The following MTFR1 variants were observed in gnomAD, a reference collection of about 807,000 sequenced individuals.
MTFR1 encodes chondrocyte protein with a poly-proline region.
In MTFR1, 28 loss-of-function variants were observed where a neutral mutation model predicts 38.8. The observed-to-expected ratio is 0.72, with a 90% CI of 0.53 to 0.99. The LOEUF is 0.99. Among genes scored for constraint, MTFR1 ranks in the 50% least tolerant of loss-of-function variants. The pLI is 0.00. For synonymous variants in MTFR1, 145 were observed against 137.0 expected (o/e 1.06, Z -0.41); for missense variants, 358 against 395.5 (o/e 0.91, Z 0.81).
chr8:65,671,988 A>G (rs1484569695), intron 2 of MTFR1, among the ~76,000 whole-genome samples: 1 of 152,206 alleles, frequency 6.6e-6, no homozygotes, highest in Non-Finnish European at 1.5e-5. Context: ...GAGTAGTGCT[A>G]ATTGAGGCCA....
downstream of MTFR1, among the ~76,000 whole-genome samples, chr8:65,775,908 G>T (rs562875095): frequency 2.0e-5 from 3 of 152,146 alleles, no homozygotes; most frequent in Non-Finnish European, 2.9e-5. Flanking sequence ...GATTACGGGC[G>T]TGAGCCACCA....
intron 4 of MTFR1, among the ~76,000 whole-genome samples, chr8:65,702,297 CTTTTTTT>C (rs530863447): frequency 9.1e-6 from 1 of 110,272 alleles, no homozygotes; most frequent in Non-Finnish European, 1.9e-5. Flanking sequence ...TTCTTTCTTT[CTTTTTTT>C]TTTTTTTTTT....
intron 3 of MTFR1, among the ~76,000 whole-genome samples, chr8:65,741,621 A>C (rs1807440835): frequency 6.6e-6 from 1 of 152,236 alleles, no homozygotes; most frequent in African/African-American, 2.4e-5. Context: ...AAATGTTAAA[A>C]TGTGTTCAGG....
chr8:65,681,164 G>A (rs1315712675), intron 2 of MTFR1, among the ~76,000 whole-genome samples: 1 of 151,504 alleles, frequency 6.6e-6, no homozygotes, highest in Non-Finnish European at 1.5e-5. Context: ...CACCCGCCTC[G>A]GCCTCCCAAA....
downstream of MTFR1, among the ~76,000 whole-genome samples, chr8:65,775,996 T>G (rs897754681): frequency 6.6e-6 from 1 of 152,194 alleles, no homozygotes; most frequent in Non-Finnish European, 1.5e-5. Flanking sequence ...AATTCCCATC[T>G]TTCTGTTCTC....
At chr8:65,721,903 G>A (rs886786174) in intron 3 of MTFR1, 3 of 150,108 alleles carry the variant, frequency 2.0e-5, no homozygotes, top group African/African-American at 7.4e-5. Context: ...CTGCCTCCCA[G>A]GTTCAAGCGA....
chr8:65,768,799 T>C (rs1808927143), intron 3 of MTFR1, among the ~76,000 whole-genome samples: 1 of 152,188 alleles, frequency 6.6e-6, no homozygotes, highest in Non-Finnish European at 1.5e-5. Flanking sequence ...TATGTAAATA[T>C]GTATGATAAA....
chr8:65,773,430 A>G (rs1809168369), downstream of MTFR1, among the ~76,000 whole-genome samples: 1 of 152,180 alleles, frequency 6.6e-6, no homozygotes, highest in Admixed American at 6.5e-5. Flanking sequence ...TGAGATCGAG[A>G]GGATAATCTG....
chr8:65,713,176 C>T (rs970639928), downstream of MTFR1, among the ~76,000 whole-genome samples: 2 of 152,212 alleles, frequency 1.3e-5, no homozygotes, highest in Admixed American at 6.5e-5. Context: ...TGCCGTGGCT[C>T]ACGCCTATAA....
intron 3 of MTFR1, among the ~76,000 whole-genome samples, chr8:65,721,207 C>G (rs1806364060): frequency 1.3e-5 from 2 of 152,236 alleles, no homozygotes; most frequent in Non-Finnish European, 2.9e-5. Flanking sequence ...CCACAAGCCT[C>G]TACTTTATCT....
intron 2 of MTFR1, among the ~76,000 whole-genome samples, chr8:65,681,562 G>A (rs1804888928): frequency 6.6e-6 from 1 of 152,036 alleles, no homozygotes; most frequent in African/African-American, 2.4e-5. Context: ...ACTCAAAACA[G>A]ATGAATAGTT....
At chr8:65,719,932 T>C (rs1206604067) in intron 3 of MTFR1, among the ~76,000 whole-genome samples, 3 of 152,234 alleles carry the variant, frequency 2.0e-5, no homozygotes, top group Admixed American at 1.3e-4. Flanking sequence ...GAGCTGGCAG[T>C]AGTCTACTGC....
chr8:65,719,570 T>A, intron 3 of MTFR1: 1 of 933,096 alleles, frequency 1.1e-6, no homozygotes, highest in Non-Finnish European at 1.7e-6. Context: ...TATACAACAT[T>A]AACCTTCCTA....
intron 3 of MTFR1, among the ~76,000 whole-genome samples, chr8:65,740,115 T>A: frequency 7.1e-6 from 1 of 141,088 alleles, no homozygotes; most frequent in Non-Finnish European, 1.5e-5. Context: ...TTAAAAACTC[T>A]GAACTCAGCC....
At chr8:65,672,566 A>C (rs1356536522) in intron 2 of MTFR1, among the ~76,000 whole-genome samples, 1 of 151,980 alleles carries the variant, frequency 6.6e-6, no homozygotes, top group East Asian at 1.9e-4. Context: ...GCTGGAGTAC[A>C]GTGGCGCAGT....
At chr8:65,707,696 C>T in intron 6 of MTFR1, 147 bp from the exon 7 acceptor site, 1 of 999,288 alleles carries the variant, frequency 1.0e-6, no homozygotes, top group South Asian at 1.7e-5. Context: ...TCTAGGCTTC[C>T]ATCTCAATGC....
At chr8:65,723,749 C>T (rs1264143164) in intron 3 of MTFR1, 6 of 564,356 alleles carry the variant, frequency 1.1e-5, no homozygotes, top group Admixed American at 4.1e-5. Flanking sequence ...AGGACAGCTT[C>T]GCAATTAGTT....
chr8:65,761,191 G>A (rs1044436120), intron 3 of MTFR1, among the ~76,000 whole-genome samples: 24 of 151,868 alleles, frequency 1.6e-4, no homozygotes, highest in Admixed American at 3.3e-4. Context: ...TCAGCCTCCC[G>A]AGTAGCTGGG....
At chr8:65,769,247 C>CAAAAAAAAAAAAAAAAA (rs61554087) in intron 3 of MTFR1, among the ~76,000 whole-genome samples, 1 of 74,456 alleles carries the variant, frequency 1.3e-5, no homozygotes, top group Non-Finnish European at 2.6e-5. Flanking sequence ...GACTCAGTCT[C>CAAAAAAAAAAAAAAAAA]AAAAAAAAAA....
Sources: gnomAD v4.1 joint callset for allele counts (sites outside exome capture counted in the v4.1 genomes callset) on GRCh38, gnomAD v4.1.1 for gene constraint, MANE v1.5 for transcripts, NCBI Gene and HGNC (gene_info 2026-07-23, HGNC 2026-07-21) for gene names.